Variants in IGSF3 observed in about 807,000 individuals in gnomAD.
IGSF3 encodes glu-Trp-Ile EWI motif-containing protein 3.
Under a neutral mutation model 114.4 loss-of-function variants are expected in IGSF3, and 23 were observed. The observed-to-expected ratio is 0.20, with a 90% CI of 0.14 to 0.28. The LOEUF (loss-of-function observed/expected upper bound fraction) is 0.28. Ranked by LOEUF, IGSF3 falls within the 10% of genes least tolerant of loss-of-function variation. IGSF3 has a pLI of 1.00. For synonymous variants in IGSF3, 571 were observed against 645.2 expected, an observed-to-expected ratio of 0.88 and a Z score of 1.74; for missense variants, 1,172 against 1,591.5, an observed-to-expected ratio of 0.74 and a Z score of 4.48.
At chr1:116,606,310 C>T (rs1660790474) in intron 5 of IGSF3, among the ~76,000 whole-genome samples, 2 of 152,244 alleles carry the variant, frequency 1.3e-5, no homozygotes, top group Admixed American at 1.3e-4. Context: ...GTGTGGTGCT[C>T]TGATTTCTTC....
chr1:116,601,577 A>T lies in IGSF3; in HGVS notation c.1625-1232T>A, dbSNP rs201079213. ...TTTGTTAAAAATAAAATAGAAATTT[A>T]AAAAAAGTACTTTAAACTCTGTAAT... On this transcript the variant is annotated intron_variant, in intron 6 of 10. Coordinates refer to ENST00000369486, the MANE Select transcript of IGSF3 (RefSeq NM_001007237.3). 1.6e-4 allele frequency among the ~76,000 whole-genome samples: 25 copies of T among 152,346 alleles called. 1 individual carries two copies. In the Middle Eastern group the frequency reaches 0.014, roughly 83 times the overall value.
At chr1:116,581,484 TTGGA>T (rs1192325665) in intron 9 of IGSF3, among the ~76,000 whole-genome samples, 1 of 152,202 alleles carries the variant, frequency 6.6e-6, no homozygotes, top group Non-Finnish European at 1.5e-5. Context: ...CAGATCCTAC[TTGGA>T]TGAAGACCAA....
rs970551672 is a variant in IGSF3, at chr1:116,614,425, T to C, written c.422-250A>G. On this transcript the variant is annotated intron_variant, in intron 3 of 10. Transcript: ENST00000369486. The surrounding 1 kb of genome is among the most constrained non-coding windows in gnomAD (Gnocchi z 4.5). ...ATTTTAATAACACTTGGATAAAACA[T>C]GGGGTGTATTTCATATTACATAATA... Among the ~76,000 whole-genome samples, 4 of 152,224 alleles carry C rather than the reference T, an allele frequency of 2.6e-5. No homozygotes were observed. Among genetic ancestry groups the C allele is most frequent in the African/African-American group, 9.6e-5 (4 of 41,460 alleles).
chr1:116,664,174 A>G lies in IGSF3; in HGVS notation c.43+2110T>C, dbSNP rs1459880531. 6.6e-6 allele frequency among the ~76,000 whole-genome samples: 1 copy of G among 152,216 alleles called. No homozygotes were observed. The highest frequency in any genetic ancestry group is 2.4e-5 in the African/African-American group (1 of 41,442). ...CCAAATCAGGCAGAGATCCACATGC[A>G]TGCCTACAGTTCCAAACCTTCCCAC... On this transcript the variant is annotated intron_variant, in intron 2 of 10. Transcript: ENST00000369486. This position sits in a 1 kb window ranked among gnomAD's most constrained non-coding sequence, Gnocchi z 4.6.
intron 7 of IGSF3, among the ~76,000 whole-genome samples, chr1:116,597,021 A>G (rs1467220131): frequency 2.0e-5 from 3 of 152,368 alleles, no homozygotes; most frequent in East Asian, 1.9e-4. Flanking sequence ...GACACGATTA[A>G]CTGAATGCTG....
Position 116,593,803 on chromosome 1 carries a change from A to C in IGSF3, c.2030-4699T>G, listed in dbSNP as rs1660226564. Among the ~76,000 whole-genome samples the C allele has an allele frequency of 6.6e-6, 1 of 152,136 alleles. No homozygotes were observed. The highest frequency in any genetic ancestry group is 2.1e-4 in the South Asian group (1 of 4,838). On this transcript the variant is annotated intron_variant, in intron 7 of 10. Coordinates refer to ENST00000369486, the MANE Select transcript of IGSF3 (RefSeq NM_001007237.3). The surrounding 1 kb of genome is among the most constrained non-coding windows in gnomAD (Gnocchi z 4.5). ...ACAGCCCGTGACAGCAGTTCTCAAT[A>C]AGGCAGCTAATTGCAAGCAGGTCTC...
rs377747493 is a variant in IGSF3 at position 116,613,801 on chromosome 1, G to A, written c.796C>T (p.Arg266Cys). ...DGSWYAMTRK[R>C]SEGAVVNVQP... ...ACGTTGACCACGGCTCCCTCGGAAC[G>A]CTTTCGGGTCATAGCATACCACGAC... Residue 266 changes from arginine (R) to cysteine (C), a missense_variant, in exon 4 of 11, where the codon CGT (arginine) becomes TGT (cysteine). Physicochemically the swap from Arg to Cys is radical, Grantham distance 180 (BLOSUM62 -3). Transcript: ENST00000369486. 25 of 1,613,824 alleles carry A rather than the reference G, an allele frequency of 1.5e-5. No homozygotes were observed. The Admixed American group carries it at 2.7e-4, about 17-fold the overall frequency.
At position 116,663,505 on chromosome 1, in the gene IGSF3, ATGCAC is replaced by A. The variant is rs915839983; in HGVS notation, c.43+2774_43+2778del. Reference sequence around the variant, plus strand: ...AACCAAGGGTTGTGGTGGCAGAGCCATGCACTGCCACCACAACCCTTATTGGGTGA... The same window carrying A: ...AACCAAGGGTTGTGGTGGCAGAGCCATGCCACCACAACCCTTATTGGGTGA... On this transcript the variant is annotated intron_variant, in intron 2 of 10. Transcript: ENST00000369486. Among the ~76,000 whole-genome samples, 29 of 148,040 alleles carry A rather than the reference ATGCAC, an allele frequency of 2.0e-4. 1 individual carries two copies. The highest frequency in any genetic ancestry group is 6.6e-4 in the African/African-American group (27 of 40,610).
rs146546119 is a variant in IGSF3, at chr1:116,583,308, G to C, written c.2848+1337C>G. Among the ~76,000 whole-genome samples the C allele has an allele frequency of 6.6e-6, 1 of 152,252 alleles. No homozygotes were observed. Among genetic ancestry groups the C allele is most frequent in the East Asian group, 1.9e-4 (1 of 5,190 alleles). ...CCATTCTCTACAATTTCACCTTCGG[G>C]AAAAGACATGCAGCCATTTCTAGGC... On this transcript the variant is annotated intron_variant, in intron 9 of 10. Transcript: ENST00000369486. The surrounding 1 kb of genome is among the most constrained non-coding windows in gnomAD (Gnocchi z 4.5).
chr1:116,608,276 C>G lies in IGSF3; in HGVS notation c.888G>C (p.Glu296Asp). Residue 296 changes from glutamate (E) to aspartate (D), a missense_variant, in exon 5 of 11, where the codon GAG (glutamate) becomes GAC (aspartate). Glu to Asp is a conservative substitution (Grantham distance 45). This residue lies in a region of IGSF3 where 736 missense variants were observed against 1,042.0 expected (regional missense o/e 0.71). Coordinates refer to ENST00000369486, the MANE Select transcript of IGSF3 (RefSeq NM_001007237.3). The part of the protein sequence containing the change: ...ETEKRLHTVG[E>D]PVEFRCILEA... ...CCAGGATGCATCTGAACTCCACCGG[C>G]TCGCCCACCGTGTGCAGCCGCTTCT... The G allele has an allele frequency of 1.2e-6, 2 of 1,612,104 alleles. No individual in the cohort carries two copies. The highest frequency in any genetic ancestry group is 1.7e-6 in the Non-Finnish European group (2 of 1,179,226).
rs192954398 is a variant in IGSF3, at chr1:116,584,657, C to T, written c.2836G>A (p.Val946Ile). The change falls in exon 9 of 11, where the codon GTC (valine) becomes ATC (isoleucine). Residue 946 changes from valine to isoleucine, a missense_variant. Val to Ile is a conservative substitution (Grantham distance 29, BLOSUM62 3). Around this residue, in one of 3 missense-constraint regions of IGSF3, gnomAD observed 423 missense variants for 509.8 expected, o/e 0.83. Transcript: ENST00000369486. This position sits in a 1 kb window ranked among gnomAD's most constrained non-coding sequence, Gnocchi z 5.8. Reference protein sequence around the residue: ...EDTAGQTALTVMRPDASLQVD... With the variant: ...EDTAGQTALTIMRPDASLQVD... Reference sequence around the variant, plus strand: ...CGTGGACCCTCACCTGGTCGCATGACTGTCAGAGCTGTCTGCCCAGCGGTG... The same window carrying T: ...CGTGGACCCTCACCTGGTCGCATGATTGTCAGAGCTGTCTGCCCAGCGGTG... The T allele has an allele frequency of 7.3e-5, 118 of 1,614,196 alleles. No individual in the cohort carries two copies. The East Asian group carries it at 2.5e-3, about 34-fold the overall frequency.
chr1:116,645,889 CA>C (rs1295573518), intron 2 of IGSF3, among the ~76,000 whole-genome samples: 5 of 152,196 alleles, frequency 3.3e-5, no homozygotes, highest in African/African-American at 1.2e-4. Flanking sequence ...CACAGCCAGA[CA>C]GGGAGGGCAG....
chr1:116,586,634 T>C (rs1160581288), intron 8 of IGSF3, among the ~76,000 whole-genome samples: 1 of 152,174 alleles, frequency 6.6e-6, no homozygotes, highest in Non-Finnish European at 1.5e-5. Flanking sequence ...ACTGTCCCAC[T>C]TAGCTTGATT....
chr1:116,666,461 A>T lies in IGSF3; in HGVS notation c.-135T>A. ...AACTTAACTCGGAAAATGGGAACAG[A>T]TTAAAAAGAAGAGATCAGAAGGAGG... On this transcript the variant is annotated 5_prime_UTR_variant, in exon 2 of 11. Transcript: ENST00000369486. 1 of 824,566 alleles carries T rather than the reference A, an allele frequency of 1.2e-6. No homozygotes were observed. The highest frequency in any genetic ancestry group is 2.1e-6 in the Non-Finnish European group (1 of 487,106). 51.1% of individuals were successfully genotyped at this position (824,566 alleles called of 1,614,324 possible).
chr1:116,617,431 A>T, intron 2 of IGSF3: 13 of 902,278 alleles, frequency 1.4e-5, no homozygotes, highest in Non-Finnish European at 1.7e-5. Flanking sequence ...GGTTGTGAAA[A>T]GCGCAGGTGA....
rs1660678168 is a variant in IGSF3, at chr1:116,603,517, G to A, written c.1624+107C>T. 4.7e-6 allele frequency: 5 copies of A among 1,062,100 alleles called. No individual in the cohort carries two copies. In the East Asian group the frequency reaches 1.2e-4, roughly 25 times the overall value. The allele number at this position is 1,062,100 out of a possible 1,614,324, so 65.8% of individuals were successfully genotyped here. A position where few individuals can be genotyped will look rare whatever the true frequency, so the allele number is the denominator to read the frequency against. Reference sequence around the variant, plus strand: ...CTTCAAACTCTATAGGTAAAAGACTGGCCATAGTTTCCTGCTAAAACTCTG... The same window carrying A: ...CTTCAAACTCTATAGGTAAAAGACTAGCCATAGTTTCCTGCTAAAACTCTG... On this transcript the variant is annotated intron_variant, in intron 6 of 10. Coordinates refer to ENST00000369486, the MANE Select transcript of IGSF3 (RefSeq NM_001007237.3). The surrounding 1 kb of genome is among the most constrained non-coding windows in gnomAD (Gnocchi z 7.1).
Position 116,589,127 on chromosome 1 carries a change from G to A in IGSF3, c.2030-23C>T. The A allele has an allele frequency of 5.6e-6, 9 of 1,597,098 alleles. No homozygotes were observed. The highest frequency in any genetic ancestry group is 7.7e-6 in the Non-Finnish European group (9 of 1,169,040). ...TCACTGCAAAGGAAAGGGGAACACA[G>A]GAATCACCACAGACTCCCAGAAACG... On this transcript the variant is annotated intron_variant, in intron 7 of 10. Transcript: ENST00000369486. The surrounding 1 kb of genome is among the most constrained non-coding windows in gnomAD (Gnocchi z 5.7).
In IGSF3 at chr1:116,575,869, T is replaced by C. The variant is rs1659321264; in HGVS notation, c.*1443A>G. The C allele has an allele frequency of 6.6e-6, 1 of 152,030 alleles. No individual in the cohort carries two copies. The highest frequency in any genetic ancestry group is 2.1e-4 in the South Asian group (1 of 4,820). 9.4% of individuals were successfully genotyped at this position (152,030 alleles called of 1,614,324 possible). ...GGGGCGTTAAAATAAAAAGCCACCATAACAATGAACAACCAAACAACCTAG... is the reference window on the plus strand; with the variant it reads ...GGGGCGTTAAAATAAAAAGCCACCACAACAATGAACAACCAAACAACCTAG... On this transcript the variant is annotated 3_prime_UTR_variant, in exon 11 of 11. Coordinates refer to ENST00000369486, the MANE Select transcript of IGSF3 (RefSeq NM_001007237.3). This position sits in a 1 kb window ranked among gnomAD's most constrained non-coding sequence, Gnocchi z 5.6.
At position 116,591,560 on chromosome 1, in the gene IGSF3, C is replaced by T. The variant is rs577258796; in HGVS notation, c.2030-2456G>A. 7.9e-5 allele frequency among the ~76,000 whole-genome samples: 12 copies of T among 152,032 alleles called. No individual in the cohort carries two copies. In the South Asian group the frequency reaches 2.5e-3, roughly 32 times the overall value. ...GTTTCAAAGCATTTCCATTTTTTTT[C>T]CTTCCCATGTCAAAATATTGTGAAG... On this transcript the variant is annotated intron_variant, in intron 7 of 10. Coordinates refer to ENST00000369486, the MANE Select transcript of IGSF3 (RefSeq NM_001007237.3).
Sources: gnomAD v4.1 joint callset for allele counts (sites outside exome capture counted in the v4.1 genomes callset) on GRCh38, gnomAD v4.1.1 for gene constraint, gnomAD v4.1.1 regional missense constraint, Gnocchi (gnomAD v3.1) non-coding constraint, MANE v1.5 for transcripts, NCBI Gene and HGNC (gene_info 2026-07-23, HGNC 2026-07-21) for gene names.